SERPINA12: variants seen among roughly 807,000 people sequenced by gnomAD.
SERPINA12 encodes the protein serpin A12.
SERPINA12 carries 21 observed loss-of-function variants against 25.9 expected under a neutral mutation model. The ratio of observed to expected loss-of-function variants is 0.81; its 90% CI spans 0.58 to 1.17. SERPINA12 has a LOEUF of 1.17. SERPINA12 is among the 50% of genes most tolerant of loss of function. SERPINA12 has a pLI of 0.00. For missense variants in SERPINA12, 562 were observed against 508.3 expected (o/e 1.11, Z -1.02); for synonymous variants, 220 against 196.0 (o/e 1.12, Z -1.02).
chr14:94,491,034 A>G (rs550310172), intron 3 of SERPINA12, among the ~76,000 whole-genome samples: 90 of 152,256 alleles, frequency 5.9e-4, no homozygotes, highest in Non-Finnish European at 1.1e-3. Flanking sequence ...AATATCATCA[A>G]CAGGCCCAAC....
At chr14:94,505,271 T>C (rs1900891487) in intron 1 of SERPINA12, among the ~76,000 whole-genome samples, 1 of 152,118 alleles carries the variant, frequency 6.6e-6, no homozygotes, top group South Asian at 2.1e-4. Flanking sequence ...GAGGAGACAC[T>C]AGTTCATTCC....
At chr14:94,517,089 G>A (rs1001287513) in intron 1 of SERPINA12, among the ~76,000 whole-genome samples, 2 of 152,354 alleles carry the variant, frequency 1.3e-5, no homozygotes, top group South Asian at 4.1e-4. Context: ...GGCTCTCTGC[G>A]TCCCAGCAGC....
intron 1 of SERPINA12, among the ~76,000 whole-genome samples, chr14:94,507,221 G>C (rs1179994377): frequency 1.3e-5 from 2 of 152,184 alleles, no homozygotes; most frequent in South Asian, 2.1e-4. Flanking sequence ...GAAACTATTG[G>C]TCTTTAATAT....
chr14:94,503,124 G>T, intron 1 of SERPINA12: 2 of 878,980 alleles, frequency 2.3e-6, no homozygotes, highest in Non-Finnish European at 2.7e-6. Context: ...GACTGATATT[G>T]CTTTAAGAAG....
intron 1 of SERPINA12, among the ~76,000 whole-genome samples, chr14:94,503,745 T>C (rs1156942336): frequency 6.6e-6 from 1 of 152,164 alleles, no homozygotes; most frequent in Non-Finnish European, 1.5e-5. Context: ...CATGAACCAG[T>C]GAGTTGATGG....
chr14:94,512,753 G>A (rs1901141962), upstream of SERPINA12, among the ~76,000 whole-genome samples: 1 of 152,162 alleles, frequency 6.6e-6, no homozygotes, highest in African/African-American at 2.4e-5. Flanking sequence ...GAGGAATTTG[G>A]ATGGGTAGTC....
upstream of SERPINA12, among the ~76,000 whole-genome samples, chr14:94,509,636 C>T (rs1901057571): frequency 6.6e-6 from 1 of 152,198 alleles, no homozygotes; most frequent in African/African-American, 2.4e-5. Flanking sequence ...AGTTCCCTTC[C>T]TCACCCCTTG....
chr14:94,503,081 T>G (rs1900796937), intron 1 of SERPINA12, among the ~76,000 whole-genome samples: 1 of 152,242 alleles, frequency 6.6e-6, no homozygotes, highest in African/African-American at 2.4e-5. Flanking sequence ...AAGAGCCACT[T>G]CAGGCCTGCT....
intron 1 of SERPINA12, among the ~76,000 whole-genome samples, chr14:94,500,556 T>G (rs997423174): frequency 1.3e-5 from 2 of 152,090 alleles, no homozygotes; most frequent in African/African-American, 4.8e-5. Context: ...GAGGGGCATG[T>G]GGCTTAAGGG....
At chr14:94,510,224 A>G, upstream of SERPINA12, 1 of 985,426 alleles carries the variant, frequency 1.0e-6, no homozygotes. Context: ...AACTATTGGA[A>G]GTCATGCTGT....
chr14:94,516,636 A>G (rs1901242104), intron 1 of SERPINA12, among the ~76,000 whole-genome samples: 1 of 152,200 alleles, frequency 6.6e-6, no homozygotes, highest in African/African-American at 2.4e-5. Flanking sequence ...ACCTGGAACC[A>G]CAGAGGGTGA....
chr14:94,501,641 C>T (rs974711818), intron 1 of SERPINA12, among the ~76,000 whole-genome samples: 2 of 150,442 alleles, frequency 1.3e-5, no homozygotes, highest in Non-Finnish European at 2.9e-5. Flanking sequence ...TACTGCTGAT[C>T]AGGTGGCACT....
rs569653221 is a variant in SERPINA12 at position 94,489,577 on chromosome 14, C to T, written c.1053+43G>A. On this transcript the variant is annotated intron_variant, in intron 4 of 4. Transcript: ENST00000677451. ...GGCTCTGGCCCCGGCTGGGGGAAGGCCCCTGTGCTGCAGGGAGTGGAGTCC... is the reference window on the plus strand; with the variant it reads ...GGCTCTGGCCCCGGCTGGGGGAAGGTCCCTGTGCTGCAGGGAGTGGAGTCC... The T allele has an allele frequency of 5.6e-6, 9 of 1,600,864 alleles. No homozygotes were observed. The South Asian group carries it at 9.0e-5, about 16-fold the overall frequency.
intron 1 of SERPINA12, among the ~76,000 whole-genome samples, chr14:94,508,416 T>C (rs2139863847): frequency 6.6e-6 from 1 of 152,274 alleles, no homozygotes; most frequent in East Asian, 1.9e-4. Context: ...TTTTTTTTAA[T>C]GGGAAGCATT....
chr14:94,498,612 C>T (rs1412343583), intron 1 of SERPINA12, among the ~76,000 whole-genome samples, 182 bp from the exon 2 acceptor site: 2 of 152,192 alleles, frequency 1.3e-5, no homozygotes, highest in East Asian at 1.9e-4. Flanking sequence ...ATGACTTCTA[C>T]ACTTTGTAAA....
Position 94,489,782 on chromosome 14 carries a change from C to T in SERPINA12, c.906-15G>A, listed in dbSNP as rs778888180. 129 of 1,612,312 alleles carry T rather than the reference C, an allele frequency of 8.0e-5. No individual in the cohort carries two copies. The highest frequency in any genetic ancestry group is 5.0e-4 in the Middle Eastern group (3 of 6,050). On this transcript the variant is annotated splice_polypyrimidine_tract_variant and intron_variant, in intron 3 of 4. Coordinates refer to ENST00000677451, the MANE Select transcript of SERPINA12 (RefSeq NM_001382267.1). ...CGTCTACGACCCTGGGGAATTGACA[C>T]GACAAGGGTGAGTGGTCAAGTCCTG... is the stretch of plus-strand genomic sequence containing the variant.
At chr14:94,491,257 C>A (rs183486939) in intron 3 of SERPINA12, among the ~76,000 whole-genome samples, 5 of 152,066 alleles carry the variant, frequency 3.3e-5, no homozygotes, top group African/African-American at 1.2e-4. Context: ...CATGTACTAG[C>A]GGTATGCAGA....
chr14:94,511,622 G>A (rs759250566), upstream of SERPINA12: 518 of 985,246 alleles, frequency 5.3e-4, no homozygotes, highest in Non-Finnish European at 6.0e-4. Context: ...TGAGCCATTC[G>A]ACTTCTCCTT....
chr14:94,489,618 A>G lies in SERPINA12; in HGVS notation c.1053+2T>C. On this transcript the variant is annotated splice_donor_variant, in intron 4 of 4. Transcript: ENST00000677451. LOFTEE classifies it high-confidence loss of function. The stretch of plus-strand genomic sequence containing the variant: ...AGTGGAGTCCAGGCTAGGCAGGCTT[A>G]CCTCGCCCACTTTCAGGCTGCGATG... 6.2e-7 allele frequency: 1 copy of G among 1,613,766 alleles called. No individual in the cohort carries two copies.
Sources: gnomAD v4.1 joint callset for allele counts (sites outside exome capture counted in the v4.1 genomes callset) on GRCh38, gnomAD v4.1.1 for gene constraint, MANE v1.5 for transcripts, NCBI Gene and HGNC (gene_info 2026-07-23, HGNC 2026-07-21) for gene names.